Variants in GGT1 observed in about 807,000 individuals in gnomAD.
GGT1 encodes gamma-glutamyltransferase 1.
In GGT1, 21 loss-of-function variants were observed where a neutral mutation model predicts 56.0. The ratio of observed to expected loss-of-function variants is 0.38; its 90% CI spans 0.27 to 0.54. The LOEUF is 0.54. GGT1 is among the 20% of genes least tolerant of loss of function. The pLI is 0.82. For missense variants in GGT1, 466 were observed against 787.0 expected (o/e 0.59, Z 4.88); for synonymous variants, 238 against 342.6 (o/e 0.69, Z 3.37).
chr22:24,586,383 G>A, the GGT1 span: 1 of 1,613,514 alleles, frequency 6.2e-7, no homozygotes, highest in African/African-American at 1.3e-5. Context: ...TCCCCTGCCA[G>A]CAGAGTCTTC....
At chr22:24,601,300 C>T (rs73152526), upstream of GGT1, among the ~76,000 whole-genome samples, 1,399 of 109,508 alleles carry the variant, frequency 0.013, no homozygotes, top group South Asian at 0.031. Flanking sequence ...CGCCATGGCC[C>T]TCACCATGGC....
chr22:24,621,828 A>G (rs1346526580), intron 9 of GGT1, among the ~76,000 whole-genome samples: 1 of 151,086 alleles, frequency 6.6e-6, no homozygotes, highest in African/African-American at 2.4e-5. Flanking sequence ...AGGCGGGTGG[A>G]TCACCTGAGG....
intron 7 of GGT1, among the ~76,000 whole-genome samples, chr22:24,616,972 T>A (rs1362104114): frequency 3.3e-5 from 5 of 152,222 alleles, no homozygotes; most frequent in African/African-American, 4.8e-5. Flanking sequence ...TTTATTTAAC[T>A]TGAATGTATT....
At chr22:24,586,280 A>G in the GGT1 span, 8 of 1,613,908 alleles carry the variant, frequency 5.0e-6, no homozygotes, top group Non-Finnish European at 6.8e-6. Context: ...GCTCAGGTCC[A>G]GCACCGCCAG....
chr22:24,628,608 C>T lies in GGT1; in HGVS notation c.1564-85C>T. The T allele has an allele frequency of 6.2e-7, 1 of 1,609,750 alleles. No individual in the cohort carries two copies. The highest frequency in any genetic ancestry group is 1.1e-5 in the South Asian group (1 of 90,948). On this transcript the variant is annotated intron_variant, in intron 15 of 15. Coordinates refer to ENST00000400382, the MANE Select transcript of GGT1 (RefSeq NM_001288833.2). The surrounding 1 kb of genome is among the most constrained non-coding windows in gnomAD (Gnocchi z 5.7). ...ATGACCTGGCCCGAAATGGCACCAC[C>T]TGGGCTGAGGCCTGTGACCACACAG... is the stretch of plus-strand genomic sequence containing the variant.
At chr22:24,614,614 C>CA (rs4049879) in intron 5 of GGT1, among the ~76,000 whole-genome samples, 162 bp from the exon 6 acceptor site, 3,451 of 68,228 alleles carry the variant, frequency 0.051, 99 homozygotes, top group African/African-American at 0.099. Flanking sequence ...GACTCCATCT[C>CA]AAAAAAAAAA....
intron 5 of GGT1, among the ~76,000 whole-genome samples, chr22:24,613,751 G>GAA (rs1183814203): frequency 4.2e-5 from 5 of 120,268 alleles, no homozygotes; most frequent in African/African-American, 6.7e-5. Flanking sequence ...CTCCCTCTCA[G>GAA]AAAAAAAAAA....
intron 2 of GGT1, chr22:24,609,186 GGACA>G (rs1384910052): frequency 6.6e-6 from 1 of 152,160 alleles, no homozygotes; most frequent in Non-Finnish European, 1.5e-5. Context: ...TTCTGCAGTT[GGACA>G]GACAGAGCCC....
At chr22:24,612,412 C>G (rs1414817102) in intron 5 of GGT1, among the ~76,000 whole-genome samples, 1 of 150,324 alleles carries the variant, frequency 6.7e-6, no homozygotes, top group Admixed American at 6.6e-5. Flanking sequence ...CTGCACCCAC[C>G]AACTCATCAT....
At chr22:24,588,998 C>T in the GGT1 span, 6 of 1,016,200 alleles carry the variant, frequency 5.9e-6, no homozygotes, top group Non-Finnish European at 7.1e-6. Context: ...GTGAGCAGCC[C>T]CAGGAGCAGG....
Position 24,627,885 on chromosome 22 carries a change from G to A in GGT1, c.1242G>A (p.Gly414=). The A allele has an allele frequency of 6.2e-7, 1 of 1,613,926 alleles. No homozygotes were observed. Among genetic ancestry groups the A allele is most frequent in the South Asian group, 1.1e-5 (1 of 91,074 alleles). ...FGSKVRSPVS[G]ILFNNEMDDF... ...CCAAGGTCCGCTCCCCGGTCAGCGGGATCCTGTTCAATAATGAAATGGACG... is the reference window on the plus strand; with the variant it reads ...CCAAGGTCCGCTCCCCGGTCAGCGGAATCCTGTTCAATAATGAAATGGACG... Residue 414 remains glycine (G), a synonymous_variant, in exon 13 of 16, where the codon GGG becomes GGA. Coordinates refer to ENST00000400382, the MANE Select transcript of GGT1 (RefSeq NM_001288833.2).
chr22:24,597,302 G>A (rs569548990), intron 1 of GGT1, among the ~76,000 whole-genome samples: 32 of 152,214 alleles, frequency 2.1e-4, no homozygotes, highest in Non-Finnish European at 4.1e-4. Context: ...TTCTAATCCC[G>A]TATGATCTCA....
intron 1 of GGT1, among the ~76,000 whole-genome samples, chr22:24,606,891 C>T (rs533030435): frequency 2.8e-4 from 43 of 151,728 alleles, no homozygotes; most frequent in African/African-American, 9.9e-4. Context: ...ACCGTAGACA[C>T]AGCAGGCCCA....
chr22:24,614,988 C>T (rs2046968789), intron 6 of GGT1, 53 bp from the exon 7 acceptor site: 26 of 880,964 alleles, frequency 3.0e-5, no homozygotes, highest in South Asian at 2.2e-4. Context: ...CCCAGGCTCA[C>T]GTGGCATAAA....
At chr22:24,590,455 G>A (rs1449870920), upstream of GGT1, among the ~76,000 whole-genome samples, 1 of 152,170 alleles carries the variant, frequency 6.6e-6, no homozygotes, top group Non-Finnish European at 1.5e-5. Context: ...GGACATGGGA[G>A]CCCTCAGGGA....
intron 5 of GGT1, among the ~76,000 whole-genome samples, chr22:24,613,550 G>A (rs1229944450): frequency 6.6e-6 from 1 of 152,004 alleles, no homozygotes; most frequent in African/African-American, 2.4e-5. Flanking sequence ...AGGAGTTCGA[G>A]ACCAGCCTGG....
intron 1 of GGT1, among the ~76,000 whole-genome samples, chr22:24,604,499 G>A (rs891880123): frequency 7.2e-5 from 11 of 152,102 alleles, no homozygotes; most frequent in African/African-American, 2.2e-4. Flanking sequence ...GTGTGCGCAC[G>A]TGCTTGCACG....
At chr22:24,598,741 T>C (rs2017188), upstream of GGT1, among the ~76,000 whole-genome samples, 50,111 of 151,992 alleles carry the variant, frequency 0.33, 8,660 homozygotes, top group Middle Eastern at 0.49. Context: ...TTTGTAGAGA[T>C]GGGGTCTCTC....
upstream of GGT1, chr22:24,592,286 T>C (rs765234677): frequency 1.1e-5 from 5 of 467,452 alleles, no homozygotes; most frequent in Non-Finnish European, 2.2e-5. Flanking sequence ...GGATGTGTAC[T>C]CTAAGGGCAT....
Sources: allele counts gnomAD v4.1 joint callset (sites outside exome capture counted in the v4.1 genomes callset), GRCh38; gene constraint gnomAD v4.1.1; non-coding constraint Gnocchi (gnomAD v3.1); transcripts MANE v1.5; gene names NCBI Gene and HGNC (gene_info 2026-07-23, HGNC 2026-07-21).